The following ZMAT3 variants were observed in gnomAD, a reference collection of about 807,000 sequenced individuals.
ZMAT3 encodes the protein zinc finger matrin-type protein 3.
ZMAT3 carries 17 observed loss-of-function variants against 32.3 expected under a neutral mutation model. That is an observed-to-expected ratio of 0.53 (90% CI 0.36 to 0.79). ZMAT3 has a LOEUF of 0.79. ZMAT3 is among the 30% of genes least tolerant of loss of function. The pLI is 0.00. For synonymous variants in ZMAT3, 120 were observed against 133.1 expected, an observed-to-expected ratio of 0.90 and a Z score of 0.68; for missense variants, 329 against 359.7, an observed-to-expected ratio of 0.91 and a Z score of 0.69.
At chr3:179,065,956 TGG>T (rs1355455044) in intron 2 of ZMAT3, among the ~76,000 whole-genome samples, 3 of 152,202 alleles carry the variant, frequency 2.0e-5, no homozygotes, top group African/African-American at 4.8e-5. Flanking sequence ...AGCATACAAG[TGG>T]GTTTGCCCCC....
At chr3:179,042,232 C>A (rs1422575664) in intron 2 of ZMAT3, among the ~76,000 whole-genome samples, 1 of 152,170 alleles carries the variant, frequency 6.6e-6, no homozygotes, top group Non-Finnish European at 1.5e-5. Context: ...ATGAGGCCAA[C>A]ATCATCCCGA....
At position 179,031,937 on chromosome 3, in the gene ZMAT3, C is replaced by T. The variant is rs867535816; in HGVS notation, c.271-938G>A. ...AAAAAAAAAAAAACTCTCCCTCTCC[C>T]TCCCCCTCCCCCTCCCCCTCCCCCT... On this transcript the variant is annotated intron_variant, in intron 2 of 5. Coordinates refer to ENST00000311417, the MANE Select transcript of ZMAT3 (RefSeq NM_022470.4). 5.8e-3 allele frequency among the ~76,000 whole-genome samples: 11 copies of T among 1,890 alleles called. 2 individuals carry two copies. The highest frequency in any genetic ancestry group is 0.027 in the African/African-American group (10 of 368). 1.2% of individuals were successfully genotyped at this position (1,890 alleles called of 152,430 possible).
At chr3:179,061,047 C>T (rs1251609865) in intron 2 of ZMAT3, among the ~76,000 whole-genome samples, 1 of 98,790 alleles carries the variant, frequency 1.0e-5, no homozygotes, top group Admixed American at 1.2e-4. Flanking sequence ...CCATTACTCC[C>T]CCATTTTATT....
rs57477590 is a variant in ZMAT3 at position 179,023,711 on chromosome 3, T to TATATATATATATATA, written c.*1305_*1306insTATATATATATATAT. On this transcript the variant is annotated 3_prime_UTR_variant, in exon 6 of 6. Transcript: ENST00000311417. ...GAAAATATATCTATATATATATATA[T>TATATATATATATATA]TTTTTTTTTTTTTTTTTTTTTTTTT... The TATATATATATATATA allele has an allele frequency of 2.9e-3, 44 of 15,058 alleles. 1 individual carries two copies. The highest frequency in any genetic ancestry group is 9.7e-3 in the South Asian group (3 of 308). The allele number at this position is 15,058 out of a possible 1,614,324, so 0.9% of individuals were successfully genotyped here.
At chr3:179,040,806 C>T (rs918156703) in intron 2 of ZMAT3, among the ~76,000 whole-genome samples, 1 of 151,610 alleles carries the variant, frequency 6.6e-6, no homozygotes, top group African/African-American at 2.4e-5. Context: ...CACAACCCAT[C>T]AGTGTGCTGT....
rs1237839180 is a variant in ZMAT3 at position 179,022,214 on chromosome 3, A to G, written c.*2803T>C. The G allele has an allele frequency of 1.3e-5, 2 of 152,238 alleles. No homozygotes were observed. Among genetic ancestry groups the G allele is most frequent in the African/African-American group, 4.8e-5 (2 of 41,472 alleles). 9.4% of individuals were successfully genotyped at this position (152,238 alleles called of 1,614,324 possible). A position where few individuals can be genotyped will look rare whatever the true frequency, so the allele number is the denominator to read the frequency against. Reference sequence around the variant, plus strand: ...CTGAATCCACAAGGCCTGAAAAAACATCAAGCCCTTAAGTCGGCTGCTTTT... The same window carrying G: ...CTGAATCCACAAGGCCTGAAAAAACGTCAAGCCCTTAAGTCGGCTGCTTTT... On this transcript the variant is annotated 3_prime_UTR_variant, in exon 6 of 6. Transcript: ENST00000311417.
intron 2 of ZMAT3, among the ~76,000 whole-genome samples, chr3:179,058,223 G>A (rs1720951837): frequency 6.6e-6 from 1 of 152,210 alleles, no homozygotes; most frequent in African/African-American, 2.4e-5. Flanking sequence ...TGCTAAAGAA[G>A]ACTTGCTGTC....
chr3:179,058,289 C>T (rs1473029121), intron 2 of ZMAT3, among the ~76,000 whole-genome samples: 1 of 152,246 alleles, frequency 6.6e-6, no homozygotes, highest in African/African-American at 2.4e-5. Context: ...AGTGCTGCGA[C>T]TGTGCACTTG....
At chr3:179,050,909 A>C (rs1720520817) in intron 2 of ZMAT3, among the ~76,000 whole-genome samples, 1 of 152,238 alleles carries the variant, frequency 6.6e-6, no homozygotes, top group Admixed American at 6.5e-5. Flanking sequence ...CAATAGACAC[A>C]GAAAAAGCAT....
chr3:179,029,979 A>T (rs559602757), intron 3 of ZMAT3, among the ~76,000 whole-genome samples: 3 of 152,296 alleles, frequency 2.0e-5, no homozygotes, highest in African/African-American at 7.2e-5. Flanking sequence ...GTACTCTATT[A>T]TAACTATTAT....
At chr3:179,030,780 T>C (rs1046125807) in intron 3 of ZMAT3, 100 bp downstream of exon 3, 2 of 1,481,596 alleles carry the variant, frequency 1.3e-6, no homozygotes, top group African/African-American at 1.4e-5. Context: ...TTCCCAACTG[T>C]ACCCTAATGG....
rs1455844286 is a variant in ZMAT3, at chr3:179,017,881, C to A, written c.*7136G>T. The A allele has an allele frequency of 6.6e-6, 1 of 152,134 alleles. No individual in the cohort carries two copies. The highest frequency in any genetic ancestry group is 6.5e-5 in the Admixed American group (1 of 15,270). 9.4% of individuals were successfully genotyped at this position (152,134 alleles called of 1,614,324 possible). ...TGGAATGCTTTAAAGCAGGATCTGACATACTCCAGTAAGGCATTTCAAAGC... is the reference window on the plus strand; with the variant it reads ...TGGAATGCTTTAAAGCAGGATCTGAAATACTCCAGTAAGGCATTTCAAAGC... On this transcript the variant is annotated 3_prime_UTR_variant, in exon 6 of 6. Transcript: ENST00000311417.
chr3:179,053,949 T>C (rs1203718597), intron 2 of ZMAT3, among the ~76,000 whole-genome samples: 2 of 152,222 alleles, frequency 1.3e-5, no homozygotes, highest in African/African-American at 2.4e-5. Context: ...AAACAGTATA[T>C]AGATTAAACA....
At chr3:179,065,302 A>G (rs564256665) in intron 2 of ZMAT3, among the ~76,000 whole-genome samples, 3 of 152,214 alleles carry the variant, frequency 2.0e-5, no homozygotes, top group African/African-American at 7.2e-5. Context: ...CCCTTTTCTT[A>G]TATTTTCTAA....
At chr3:179,068,257 A>T (rs1174316233) in intron 1 of ZMAT3, among the ~76,000 whole-genome samples, 1 of 152,222 alleles carries the variant, frequency 6.6e-6, no homozygotes, top group African/African-American at 2.4e-5. Context: ...CTGTAATCCC[A>T]GCATTTTGGG....
At chr3:179,071,903 G>C (rs1201872660), upstream of ZMAT3, 1 of 152,536 alleles carries the variant, frequency 6.6e-6, no homozygotes, top group African/African-American at 2.4e-5. Flanking sequence ...GGCAGCGGTG[G>C]CAGCGGTAGC....
At position 179,033,011 on chromosome 3, in the gene ZMAT3, G is replaced by A. The variant is rs554893331; in HGVS notation, c.271-2012C>T. On this transcript the variant is annotated intron_variant, in intron 2 of 5. Transcript: ENST00000311417. The stretch of plus-strand genomic sequence containing the variant: ...GTACCCAACAGCTCATTGAGAACGG[G>A]CCACGATGACGATGGCGGTTTTGTC... 2.6e-5 allele frequency among the ~76,000 whole-genome samples: 4 copies of A among 152,378 alleles called. No individual in the cohort carries two copies. In the South Asian group the frequency reaches 8.3e-4, roughly 32 times the overall value.
Position 179,018,888 on chromosome 3 carries a change from G to A in ZMAT3, c.*6129C>T, listed in dbSNP as rs556884699. 7.8e-4 allele frequency: 118 copies of A among 152,200 alleles called. No individual in the cohort carries two copies. The highest frequency in any genetic ancestry group is 2.8e-3 in the African/African-American group (115 of 41,530). The allele number at this position is 152,200 out of a possible 1,614,324, so 9.4% of individuals were successfully genotyped here. ...AAAATTAATAGTTTCAACTTACTAA[G>A]CTACTTAATCTGCTCTCCTAGAGTT... is the stretch of plus-strand genomic sequence containing the variant. On this transcript the variant is annotated 3_prime_UTR_variant, in exon 6 of 6. Transcript: ENST00000311417.
At position 179,020,229 on chromosome 3, in the gene ZMAT3, C is replaced by A. The variant is rs1314779670; in HGVS notation, c.*4788G>T. ...ACTCAGATTCTGGGCTTAACGGAGACAAGGTCACATGGGACCATAAGCCAG... is the reference window on the plus strand; with the variant it reads ...ACTCAGATTCTGGGCTTAACGGAGAAAAGGTCACATGGGACCATAAGCCAG... On this transcript the variant is annotated 3_prime_UTR_variant, in exon 6 of 6. Transcript: ENST00000311417. 11 of 152,160 alleles carry A rather than the reference C, an allele frequency of 7.2e-5. No individual in the cohort carries two copies. The allele number at this position is 152,160 out of a possible 1,614,324, so 9.4% of individuals were successfully genotyped here.
Sources: allele counts gnomAD v4.1 joint callset (sites outside exome capture counted in the v4.1 genomes callset), GRCh38; gene constraint gnomAD v4.1.1; transcripts MANE v1.5; gene names NCBI Gene and HGNC (gene_info 2026-07-23, HGNC 2026-07-21).